CSMD1: variants seen among roughly 807,000 people sequenced by gnomAD.
The protein encoded by CSMD1 is CUB and Sushi multiple domains 1, also known as CUB and sushi domain-containing protein 1.
In CSMD1, 213 loss-of-function variants were observed where a neutral mutation model predicts 417.5. The ratio of observed to expected loss-of-function variants is 0.51; its 90% CI spans 0.46 to 0.57. The LOEUF (loss-of-function observed/expected upper bound fraction) is 0.57, where lower values mean the gene tolerates loss of function less well. Ranked by LOEUF, CSMD1 falls within the 20% of genes least tolerant of loss-of-function variation. The pLI is 0.00. For missense variants in CSMD1, 6,923 were observed against 4,529.7 expected (o/e 1.53, Z -15.17); for synonymous variants, 2,862 against 1,736.8 (o/e 1.65, Z -16.11).
At chr8:4,104,385 T>TAC (rs908770761) in intron 3 of CSMD1, among the ~76,000 whole-genome samples, 1 of 152,088 alleles carries the variant, frequency 6.6e-6, no homozygotes, top group Non-Finnish European at 1.5e-5. Flanking sequence ...AGGGCAGTAC[T>TAC]ACACACACAC....
chr8:3,973,514 T>C (rs6558829), intron 5 of CSMD1, among the ~76,000 whole-genome samples: 50,088 of 152,110 alleles, frequency 0.33, 9,043 homozygotes, highest in African/African-American at 0.47. Flanking sequence ...CAAATCATTC[T>C]GGTATAAGAA....
chr8:4,217,233 A>G (rs547341428), intron 3 of CSMD1, among the ~76,000 whole-genome samples: 1 of 152,336 alleles, frequency 6.6e-6, no homozygotes, highest in East Asian at 1.9e-4. Context: ...TGATATAAAA[A>G]TGCTTCTATC....
intron 4 of CSMD1, among the ~76,000 whole-genome samples, chr8:3,999,731 G>C (rs1487302092): frequency 1.3e-5 from 2 of 152,144 alleles, no homozygotes; most frequent in African/African-American, 4.8e-5. Flanking sequence ...GCTTTAGAAT[G>C]GACGTCTTTG....
In CSMD1 at chr8:4,270,468, G is replaced by A. The variant is rs114255612; in HGVS notation, c.415+149485C>T. On this transcript the variant is annotated intron_variant, in intron 3 of 69. Transcript: ENST00000635120. ...TCAAAGATCACAGAGAAGCCGCAGA[G>A]CTTTTCTTCTCCCCATGTGGCATAT... 4.9e-3 allele frequency among the ~76,000 whole-genome samples: 748 copies of A among 152,188 alleles called. 4 individuals are homozygous for A. The highest frequency in any genetic ancestry group is 0.017 in the African/African-American group (697 of 41,498).
chr8:4,043,131 T>TACAAA (rs572107525), intron 3 of CSMD1, among the ~76,000 whole-genome samples: 7 of 152,048 alleles, frequency 4.6e-5, no homozygotes, highest in African/African-American at 9.6e-5. Flanking sequence ...AGACTCTGTC[T>TACAAA]ACAAAACAAA....
chr8:3,096,841 A>T lies in CSMD1; in HGVS notation c.7138+8T>A. The T allele has an allele frequency of 6.5e-7, 1 of 1,536,874 alleles. No homozygotes were observed. The highest frequency in any genetic ancestry group is 8.8e-7 in the Non-Finnish European group (1 of 1,137,134). On this transcript the variant is annotated splice_region_variant and intron_variant, in intron 47 of 69. Transcript: ENST00000635120. The stretch of plus-strand genomic sequence containing the variant: ...GGTCACTGCTCTACAAAGATTAAAG[A>T]AACTTACCATCAAACACTTCCAGTG...
intron 17 of CSMD1, among the ~76,000 whole-genome samples, chr8:3,388,780 A>C (rs1027395496): frequency 2.7e-4 from 41 of 152,174 alleles, no homozygotes; most frequent in Non-Finnish European, 3.7e-4. Context: ...GCCTCCTTCC[A>C]ACTCTGGAGG....
intron 49 of CSMD1, among the ~76,000 whole-genome samples, chr8:3,081,218 A>C (rs1814074038): frequency 6.6e-6 from 1 of 152,202 alleles, no homozygotes; most frequent in African/African-American, 2.4e-5. Context: ...TACCTGTTGC[A>C]TTTTAGTAAC....
intron 2 of CSMD1, among the ~76,000 whole-genome samples, chr8:4,565,869 T>C (rs1798584177): frequency 6.7e-6 from 1 of 149,724 alleles, no homozygotes; most frequent in South Asian, 2.1e-4. Context: ...GATTTTCTTC[T>C]TCTGTTGAAA....
intron 3 of CSMD1, among the ~76,000 whole-genome samples, chr8:4,165,841 G>T (rs953505873): frequency 2.0e-5 from 3 of 152,120 alleles, no homozygotes; most frequent in Non-Finnish European, 2.9e-5. Context: ...AACTAATTGC[G>T]TTTTTTGCCA....
intron 3 of CSMD1, among the ~76,000 whole-genome samples, chr8:4,333,139 C>G (rs1472071251): frequency 2.0e-5 from 3 of 152,022 alleles, no homozygotes; most frequent in East Asian, 3.9e-4. Context: ...CCAGCAACAC[C>G]TGATTGAACA....
intron 5 of CSMD1, among the ~76,000 whole-genome samples, chr8:3,786,867 GC>G (rs1375900607): frequency 6.6e-6 from 1 of 152,030 alleles, no homozygotes; most frequent in Non-Finnish European, 1.5e-5. Context: ...CATTATGAGG[GC>G]CACACCCTCC....
chr8:4,119,718 A>C (rs1199805378), intron 3 of CSMD1, among the ~76,000 whole-genome samples: 1 of 152,198 alleles, frequency 6.6e-6, no homozygotes, highest in Non-Finnish European at 1.5e-5. Context: ...CAGTCTGATC[A>C]CAAACTTCCA....
chr8:3,694,318 C>G (rs137893407), intron 7 of CSMD1, among the ~76,000 whole-genome samples: 1 of 152,038 alleles, frequency 6.6e-6, no homozygotes, highest in Non-Finnish European at 1.5e-5. Flanking sequence ...AGGAGCACAG[C>G]AGCATGACTG....
At chr8:4,420,798 T>C (rs1049170168) in intron 2 of CSMD1, among the ~76,000 whole-genome samples, 2 of 152,160 alleles carry the variant, frequency 1.3e-5, no homozygotes, top group African/African-American at 4.8e-5. Context: ...AACATAAGAA[T>C]GCTGAGAATA....
chr8:4,099,405 C>G (rs950189396), intron 3 of CSMD1, among the ~76,000 whole-genome samples: 2 of 152,226 alleles, frequency 1.3e-5, no homozygotes, highest in East Asian at 1.9e-4. Flanking sequence ...CCTGAAGCTG[C>G]TTTCTAAAGC....
At chr8:4,347,057 G>C (rs1397972045) in intron 3 of CSMD1, among the ~76,000 whole-genome samples, 1 of 152,136 alleles carries the variant, frequency 6.6e-6, no homozygotes, top group East Asian at 1.9e-4. Context: ...CTAGACCAGA[G>C]ACACCTTTGA....
intron 25 of CSMD1, among the ~76,000 whole-genome samples, chr8:3,297,042 T>C (rs1804023957): frequency 2.0e-5 from 3 of 152,318 alleles, no homozygotes; most frequent in Admixed American, 6.5e-5. Context: ...AAGAGGACTA[T>C]GGATTCTGAA....
chr8:3,105,303 G>A (rs78685935), intron 46 of CSMD1, among the ~76,000 whole-genome samples: 1,709 of 148,530 alleles, frequency 0.012, 18 homozygotes, highest in South Asian at 0.022. Flanking sequence ...CCTTATAGCT[G>A]TGTCACTCAC....
Sources: gnomAD v4.1 joint callset for allele counts (sites outside exome capture counted in the v4.1 genomes callset) on GRCh38, gnomAD v4.1.1 for gene constraint, MANE v1.5 for transcripts, NCBI Gene and HGNC (gene_info 2026-07-23, HGNC 2026-07-21) for gene names.